Variants in MLLT10 observed in about 807,000 individuals in gnomAD.
MLLT10 encodes the protein protein AF-10.
MLLT10 carries 30 observed loss-of-function variants against 129.1 expected under a neutral mutation model. That is an observed-to-expected ratio of 0.23 (90% CI 0.17 to 0.32). The LOEUF is 0.32. Ranked by LOEUF, MLLT10 falls within the 10% of genes least tolerant of loss-of-function variation. The pLI, the probability that MLLT10 is intolerant of heterozygous loss-of-function variation, is 1.00. For missense variants in MLLT10, 1,119 were observed against 1,268.3 expected (o/e 0.88, Z 1.79); for synonymous variants, 490 against 446.4 (o/e 1.10, Z -1.23).
At chr10:21,679,660 G>A (rs76526945) in intron 11 of MLLT10, among the ~76,000 whole-genome samples, 1,882 of 152,172 alleles carry the variant, frequency 0.012, 32 homozygotes, top group African/African-American at 0.039. Flanking sequence ...TTCCTTTCTT[G>A]GGGCATACTG....
intron 21 of MLLT10, among the ~76,000 whole-genome samples, chr10:21,736,521 T>C (rs1028366133): frequency 6.6e-6 from 1 of 152,188 alleles, no homozygotes; most frequent in Non-Finnish European, 1.5e-5. Flanking sequence ...TGACCTCAAG[T>C]GATCTGCCCT....
chr10:21,649,549 A>G (rs1031232568), intron 8 of MLLT10, among the ~76,000 whole-genome samples: 1 of 152,088 alleles, frequency 6.6e-6, no homozygotes, highest in Non-Finnish European at 1.5e-5. Context: ...TGTCGGGTTT[A>G]CTCATGAGGA....
At chr10:21,702,358 C>T (rs957749945) in intron 13 of MLLT10, among the ~76,000 whole-genome samples, 4 of 152,188 alleles carry the variant, frequency 2.6e-5, no homozygotes, top group African/African-American at 9.7e-5. Context: ...TGTGTCCTGA[C>T]ATACGGTCTG....
At position 21,741,939 on chromosome 10, in the gene MLLT10, A is replaced by C. The variant is rs181589426; in HGVS notation, c.3163A>C (p.Arg1055=). 11 of 1,611,270 alleles carry C rather than the reference A, an allele frequency of 6.8e-6. No individual in the cohort carries two copies. The African/African-American group carries it at 1.5e-4, about 21-fold the overall frequency. ...HGDNASQKVA[R]LSDKTGPVAQ... Reference sequence around the variant, plus strand: ...CATCTGCTCTTTTGTTTACCTGCAGAGACTTAGTGATAAAACTGGGCCTGT... The same window carrying C: ...CATCTGCTCTTTTGTTTACCTGCAGCGACTTAGTGATAAAACTGGGCCTGT... Residue 1055 remains arginine, a splice_region_variant and synonymous_variant, in exon 23 of 23, where the codon AGA becomes CGA. Transcript: ENST00000307729.
At chr10:21,708,113 A>C (rs555881604) in intron 13 of MLLT10, among the ~76,000 whole-genome samples, 2 of 152,140 alleles carry the variant, frequency 1.3e-5, no homozygotes, top group African/African-American at 4.8e-5. Flanking sequence ...CTTGCTTGCT[A>C]CATTATCCCA....
In MLLT10 at chr10:21,651,739, G is replaced by T. The variant is rs770898242; in HGVS notation, c.766G>T (p.Val256Phe). 70 of 1,612,862 alleles carry T rather than the reference G, an allele frequency of 4.3e-5. No individual in the cohort carries two copies. Among genetic ancestry groups the T allele is most frequent in the Non-Finnish European group, 5.7e-5 (67 of 1,179,360 alleles). ...GCAGCCAGAACCATCACCTGCATTG[G>T]TTCCATCCTTGACTGTTACTACAGA... ...KKQPEPSPAL[V>F]PSLTVTTEKT... Residue 256 changes from valine to phenylalanine, a missense_variant, in exon 9 of 23, where the codon GTT becomes TTT. Physicochemically the swap from Val to Phe is conservative, Grantham distance 50 (BLOSUM62 -1). Around this residue, in one of 5 missense-constraint regions of MLLT10, gnomAD observed 1,004 missense variants for 1,008.7 expected, o/e 1.00. Transcript: ENST00000307729.
chr10:21,535,426 C>T (rs1365811032), intron 2 of MLLT10, among the ~76,000 whole-genome samples: 1 of 152,068 alleles, frequency 6.6e-6, no homozygotes, highest in Admixed American at 6.5e-5. Context: ...TGGCGGAGTC[C>T]GTTGCTGACC....
intron 21 of MLLT10, among the ~76,000 whole-genome samples, chr10:21,739,681 G>A (rs939298189): frequency 5.3e-5 from 8 of 152,122 alleles, no homozygotes; most frequent in African/African-American, 1.7e-4. Flanking sequence ...AGGCAGAAAC[G>A]GGAACTTTAA....
chr10:21,544,537 T>C (rs1167710851), intron 3 of MLLT10, among the ~76,000 whole-genome samples: 2 of 152,112 alleles, frequency 1.3e-5, no homozygotes, highest in African/African-American at 2.4e-5. Context: ...AGGAGCATTT[T>C]CAGAAAATTT....
chr10:21,693,376 G>GAA (rs71393921), intron 13 of MLLT10, among the ~76,000 whole-genome samples: 20 of 148,346 alleles, frequency 1.3e-4, no homozygotes, highest in Middle Eastern at 3.4e-3. Context: ...TTCCCAGGGG[G>GAA]AAAAAAAAAA....
intron 2 of MLLT10, among the ~76,000 whole-genome samples, chr10:21,535,645 C>A (rs1164710023): frequency 1.3e-5 from 2 of 152,242 alleles, no homozygotes; most frequent in Admixed American, 1.3e-4. Flanking sequence ...AAGTGGCCGA[C>A]TTTTCCCCAT....
chr10:21,688,450 G>C, intron 13 of MLLT10: 6 of 1,544,740 alleles, frequency 3.9e-6, no homozygotes, highest in Non-Finnish European at 5.4e-6. Context: ...TTTAGGAAGT[G>C]GTGATTAAAA....
intron 8 of MLLT10, among the ~76,000 whole-genome samples, chr10:21,642,277 C>T (rs745325175): frequency 6.6e-5 from 10 of 152,198 alleles, no homozygotes; most frequent in Admixed American, 2.0e-4. Flanking sequence ...GGCTTGAACC[C>T]GGAGGCAGAG....
intron 21 of MLLT10, 99 bp downstream of exon 21, chr10:21,735,334 T>C: frequency 1.9e-6 from 2 of 1,040,252 alleles, no homozygotes; most frequent in Non-Finnish European, 2.8e-6. Flanking sequence ...ATAACATTAT[T>C]GAATGCATAA....
chr10:21,697,090 T>A (rs7079396), intron 13 of MLLT10, among the ~76,000 whole-genome samples: 1 of 132,618 alleles, frequency 7.5e-6, no homozygotes, highest in Non-Finnish European at 1.5e-5. Flanking sequence ...GAATTCTGTC[T>A]GATTTAAGCA....
chr10:21,564,588 ATATG>A (rs1404459281), intron 3 of MLLT10: 1 of 151,826 alleles, frequency 6.6e-6, no homozygotes, highest in Non-Finnish European at 1.5e-5. Flanking sequence ...TAGTACCTTT[ATATG>A]TCCTCTGTTC....
intron 5 of MLLT10, among the ~76,000 whole-genome samples, chr10:21,608,018 T>C (rs966963689): frequency 6.6e-6 from 1 of 151,636 alleles, no homozygotes; most frequent in Admixed American, 6.6e-5. Context: ...TTTTTTTTTT[T>C]CTTCTTTTTT....
At chr10:21,553,606 A>T (rs2037432611) in intron 3 of MLLT10, among the ~76,000 whole-genome samples, 1 of 150,748 alleles carries the variant, frequency 6.6e-6, no homozygotes, top group Non-Finnish European at 1.5e-5. Flanking sequence ...GGATACAGAC[A>T]TGAGTCACCA....
At chr10:21,609,610 C>T (rs533612084) in intron 5 of MLLT10, among the ~76,000 whole-genome samples, 2 of 152,224 alleles carry the variant, frequency 1.3e-5, no homozygotes, top group South Asian at 4.1e-4. Flanking sequence ...CCAGGAGGGC[C>T]CTTCTTGCTG....
Sources: gnomAD v4.1 joint callset for allele counts (sites outside exome capture counted in the v4.1 genomes callset) on GRCh38, gnomAD v4.1.1 for gene constraint, gnomAD v4.1.1 regional missense constraint, MANE v1.5 for transcripts, NCBI Gene and HGNC (gene_info 2026-07-23, HGNC 2026-07-21) for gene names.